The following KIF26B variants were observed in gnomAD, a reference collection of about 807,000 sequenced individuals.
The protein encoded by KIF26B is kinesin-like protein KIF26B.
KIF26B carries 63 observed loss-of-function variants against 151.2 expected under a neutral mutation model. The ratio of observed to expected loss-of-function variants is 0.42; its 90% CI spans 0.34 to 0.51. The LOEUF is 0.51. Ranked by LOEUF, KIF26B falls within the 20% of genes least tolerant of loss-of-function variation. KIF26B has a pLI of 0.07. For missense variants in KIF26B, 2,813 were observed against 2,913.6 expected, an observed-to-expected ratio of 0.97 and a Z score of 0.79; for synonymous variants, 1,357 against 1,262.1, an observed-to-expected ratio of 1.08 and a Z score of -1.59.
chr1:245,485,504 C>T (rs1259621847), intron 4 of KIF26B, among the ~76,000 whole-genome samples: 3 of 151,936 alleles, frequency 2.0e-5, no homozygotes. Context: ...CTGCCCCAGC[C>T]TCCCAAGTAC....
intron 4 of KIF26B, among the ~76,000 whole-genome samples, chr1:245,428,242 C>T (rs1197074588): frequency 6.6e-6 from 1 of 152,186 alleles, no homozygotes; most frequent in Non-Finnish European, 1.5e-5. Context: ...AGAAGGGACT[C>T]TCACTCATGT....
chr1:245,543,405 A>T (rs946404), intron 5 of KIF26B, among the ~76,000 whole-genome samples: 1 of 152,094 alleles, frequency 6.6e-6, no homozygotes, highest in Non-Finnish European at 1.5e-5. Context: ...TTTTTAAAAA[A>T]ATTAAAGATA....
At chr1:245,230,919 C>G (rs1237139209) in intron 2 of KIF26B, among the ~76,000 whole-genome samples, 1 of 151,366 alleles carries the variant, frequency 6.6e-6, no homozygotes, top group East Asian at 1.9e-4. Flanking sequence ...TGAAAAATCT[C>G]AAACAAAATG....
intron 2 of KIF26B, among the ~76,000 whole-genome samples, chr1:245,337,169 TATTTATCTA>T (rs1351461380): frequency 6.6e-6 from 1 of 151,190 alleles, no homozygotes; most frequent in Non-Finnish European, 1.5e-5. Flanking sequence ...TTTATTTATT[TATTTATCTA>T]TTTATTTATT....
At chr1:245,432,746 C>T (rs192215908) in intron 4 of KIF26B, among the ~76,000 whole-genome samples, 1 of 152,236 alleles carries the variant, frequency 6.6e-6, no homozygotes, top group East Asian at 1.9e-4. Flanking sequence ...ATGAATCACA[C>T]GGTTGATGAA....
intron 2 of KIF26B, among the ~76,000 whole-genome samples, chr1:245,161,176 C>T (rs1232113360): frequency 6.6e-6 from 1 of 152,288 alleles, no homozygotes; most frequent in East Asian, 1.9e-4. Flanking sequence ...AGTCCTACAG[C>T]ATTTATCATT....
chr1:245,285,378 T>A (rs1287191670), intron 2 of KIF26B, among the ~76,000 whole-genome samples: 1 of 152,200 alleles, frequency 6.6e-6, no homozygotes, highest in Non-Finnish European at 1.5e-5. Flanking sequence ...AGGAAACATA[T>A]TCTGCCTCTA....
At chr1:245,399,545 T>G (rs982356482) in intron 3 of KIF26B, among the ~76,000 whole-genome samples, 1 of 152,220 alleles carries the variant, frequency 6.6e-6, no homozygotes, top group Admixed American at 6.5e-5. Flanking sequence ...GAAAGGATCA[T>G]TTTGAGAATC....
At position 245,303,353 on chromosome 1, in the gene KIF26B, C is replaced by T. The variant is rs572195119; in HGVS notation, c.466-63481C>T. Among the ~76,000 whole-genome samples, 114 of 151,350 alleles carry T rather than the reference C, an allele frequency of 7.5e-4. 1 individual carries two copies. The highest frequency in any genetic ancestry group is 2.0e-3 in the African/African-American group (84 of 41,012). ...AGCTGGGACTACAGGTGCCCGCCAC[C>T]ACGCCCGGCTAATTTTTTGTATTTT... On this transcript the variant is annotated intron_variant, in intron 2 of 14. Transcript: ENST00000407071.
At chr1:245,640,484 T>C (rs2043881083) in intron 9 of KIF26B, among the ~76,000 whole-genome samples, 1 of 151,970 alleles carries the variant, frequency 6.6e-6, no homozygotes, top group African/African-American at 2.4e-5. Flanking sequence ...CCATGTCTTT[T>C]ATTTGGAGAA....
In KIF26B at chr1:245,156,451, C is replaced by G; in HGVS notation, c.233C>G (p.Pro78Arg). 1 of 1,526,750 alleles carries G rather than the reference C, an allele frequency of 6.5e-7. No individual in the cohort carries two copies. Among genetic ancestry groups the G allele is most frequent in the Non-Finnish European group, 8.8e-7 (1 of 1,140,744 alleles). The allele number at this position is 1,526,750 out of a possible 1,614,324, so 94.6% of individuals were successfully genotyped here. A position where few individuals can be genotyped will look rare whatever the true frequency, so the allele number is the denominator to read the frequency against. Reference sequence around the variant, plus strand: ...TCTCCCGGCTCGGGCACCTCGTCCCCGAGCTCGTTCACCGGCTCCCCGGGA... The same window carrying G: ...TCTCCCGGCTCGGGCACCTCGTCCCGGAGCTCGTTCACCGGCTCCCCGGGA... ...TPSPGSGTSS[P>R]SSFTGSPGPA... The change falls in exon 2 of 15, where the codon CCG (proline) becomes CGG (arginine). Residue 78 changes from proline (P) to arginine (R), a missense_variant. This residue lies in a region of KIF26B where 676 missense variants were observed against 688.1 expected (regional missense o/e 0.98). Coordinates refer to ENST00000407071, the MANE Select transcript of KIF26B (RefSeq NM_018012.4).
chr1:245,688,034 G>A lies in KIF26B; in HGVS notation c.5051G>A (p.Arg1684Gln), dbSNP rs1015989309. 124 of 1,556,964 alleles carry A rather than the reference G, an allele frequency of 8.0e-5. No individual in the cohort carries two copies. The highest frequency in any genetic ancestry group is 3.3e-4 in the Middle Eastern group (2 of 6,012). Residue 1684 changes from arginine (R) to glutamine (Q), a missense_variant, in exon 12 of 15, where the codon CGG becomes CAG. Transcript: ENST00000407071. ...CACTACGAATGCCTCTCCCTGGAGC[G>A]GGCCGAGAGCCTGTCCTCCGTGAGC... ...VSHYECLSLERAESLSSVSSR... is the reference protein window; with the variant it reads ...VSHYECLSLEQAESLSSVSSR...
chr1:245,514,310 T>G (rs985043618), intron 4 of KIF26B, among the ~76,000 whole-genome samples: 18 of 152,048 alleles, frequency 1.2e-4, no homozygotes, highest in Non-Finnish European at 1.2e-4. Flanking sequence ...GCGGATCACT[T>G]GAGGTCAGGA....
chr1:245,579,374 T>A (rs999376614), intron 5 of KIF26B, among the ~76,000 whole-genome samples: 19 of 152,216 alleles, frequency 1.2e-4, no homozygotes, highest in African/African-American at 4.6e-4. Context: ...AGGGTGCATC[T>A]GTAGTCCCAG....
intron 2 of KIF26B, among the ~76,000 whole-genome samples, chr1:245,331,982 C>T (rs574692808): frequency 5.9e-5 from 9 of 152,124 alleles, no homozygotes; most frequent in East Asian, 5.8e-4. Context: ...AAAAATCAGC[C>T]GGGCGTGGTG....
At chr1:245,228,365 G>A (rs1669920548) in intron 2 of KIF26B, among the ~76,000 whole-genome samples, 1 of 152,128 alleles carries the variant, frequency 6.6e-6, no homozygotes, top group African/African-American at 2.4e-5. Context: ...TCGGGAGTTC[G>A]AGACCAGCCT....
Position 245,506,557 on chromosome 1 carries a change from G to C in KIF26B, c.1167-34210G>C, listed in dbSNP as rs76441024. ...TAGGTACCATTTTGTTATTCTGCTT[G>C]TTTGTGTCTTCTGAAGACAGTCACA... On this transcript the variant is annotated intron_variant, in intron 4 of 14. Coordinates refer to ENST00000407071, the MANE Select transcript of KIF26B (RefSeq NM_018012.4). Among the ~76,000 whole-genome samples, 1,456 of 152,254 alleles carry C rather than the reference G, an allele frequency of 9.6e-3. 28 individuals are homozygous for C. The highest frequency in any genetic ancestry group is 0.034 in the Admixed American group (514 of 15,290).
At chr1:245,416,993 AC>A (rs146222596) in intron 3 of KIF26B, among the ~76,000 whole-genome samples, 20,257 of 152,116 alleles carry the variant, frequency 0.13, 1,438 homozygotes, top group Middle Eastern at 0.17. Context: ...CACAAAAGAA[AC>A]CAAAAAATGA....
intron 2 of KIF26B, among the ~76,000 whole-genome samples, chr1:245,364,409 CCT>C (rs1226912527): frequency 8.2e-5 from 12 of 146,438 alleles, no homozygotes; most frequent in South Asian, 4.3e-4. Context: ...GACTTCTCAC[CCT>C]CTCTCTCTCT....
Sources: allele counts gnomAD v4.1 joint callset (sites outside exome capture counted in the v4.1 genomes callset), GRCh38; gene constraint gnomAD v4.1.1; regional missense constraint gnomAD v4.1.1; transcripts MANE v1.5; gene names NCBI Gene and HGNC (gene_info 2026-07-23, HGNC 2026-07-21).